Variants in PPFIA1 observed in about 807,000 individuals in gnomAD.
The protein encoded by PPFIA1 is liprin-alpha-1.
Under a neutral mutation model 149.9 loss-of-function variants are expected in PPFIA1, and 25 were observed. That is an observed-to-expected ratio of 0.17 (90% CI 0.12 to 0.23). The LOEUF (loss-of-function observed/expected upper bound fraction) is 0.23. Among genes scored for constraint, PPFIA1 ranks in the 10% least tolerant of loss-of-function variants. The pLI, the probability that PPFIA1 is intolerant of heterozygous loss-of-function variation, is 1.00. For missense variants in PPFIA1, 1,362 were observed against 1,506.5 expected (o/e 0.90, Z 1.59); for synonymous variants, 549 against 552.8 (o/e 0.99, Z 0.10).
intron 2 of PPFIA1, among the ~76,000 whole-genome samples, chr11:70,297,137 G>A (rs371618090): frequency 6.6e-6 from 1 of 152,150 alleles, no homozygotes; most frequent in Non-Finnish European, 1.5e-5. Flanking sequence ...GCCGGGCACG[G>A]TGGCTCACGC....
At chr11:70,285,152 G>GC (rs2051025110) in intron 2 of PPFIA1, among the ~76,000 whole-genome samples, 1 of 151,868 alleles carries the variant, frequency 6.6e-6, no homozygotes, top group Non-Finnish European at 1.5e-5. Context: ...GATTACAGGC[G>GC]CCCGCCACCG....
At chr11:70,315,892 C>T (rs1591180305) in intron 2 of PPFIA1, among the ~76,000 whole-genome samples, 1 of 151,940 alleles carries the variant, frequency 6.6e-6, no homozygotes, top group East Asian at 1.9e-4. Context: ...CCCCACCCAG[C>T]GTTGTCCAGA....
At chr11:70,366,992 G>T (rs1591362945) in intron 21 of PPFIA1, among the ~76,000 whole-genome samples, 2 of 151,878 alleles carry the variant, frequency 1.3e-5, no homozygotes, top group African/African-American at 2.4e-5. Context: ...CCCTTTATAG[G>T]ACCAATAATG....
At chr11:70,308,456 T>C (rs942674119) in intron 2 of PPFIA1, among the ~76,000 whole-genome samples, 3 of 152,238 alleles carry the variant, frequency 2.0e-5, no homozygotes, top group Non-Finnish European at 4.4e-5. Context: ...CTATTAAATA[T>C]TTGAAATTGA....
chr11:70,270,772 G>A lies in PPFIA1; in HGVS notation c.-143G>A, dbSNP rs1565321308. On this transcript the variant is annotated 5_prime_UTR_variant, in exon 1 of 28. Coordinates refer to ENST00000253925, the MANE Select transcript of PPFIA1 (RefSeq NM_003626.5). ...GCGGGCCGGCCTTAGTGACTGGGGCGGCGGGCCCCGGGGCCGCGGCGTGGG... is the reference window on the plus strand; with the variant it reads ...GCGGGCCGGCCTTAGTGACTGGGGCAGCGGGCCCCGGGGCCGCGGCGTGGG... 2 of 149,836 alleles carry A rather than the reference G, an allele frequency of 1.3e-5. No homozygotes were observed. Among genetic ancestry groups the A allele is most frequent in the Non-Finnish European group, 3.0e-5 (2 of 67,222 alleles). 9.3% of individuals were successfully genotyped at this position (149,836 alleles called of 1,614,324 possible).
intron 2 of PPFIA1, among the ~76,000 whole-genome samples, chr11:70,275,654 T>G (rs1264193246): frequency 1.3e-5 from 2 of 152,202 alleles, no homozygotes. Flanking sequence ...CATAATTTCT[T>G]AAAAGACTAT....
At chr11:70,375,375 T>C (rs2057451322) in intron 24 of PPFIA1, 1 of 261,976 alleles carries the variant, frequency 3.8e-6, no homozygotes. Context: ...GAAAGAGAAG[T>C]GTTTTTAGGT....
chr11:70,330,278 C>T lies in PPFIA1; in HGVS notation c.1036C>T (p.Leu346Phe). 6.3e-7 allele frequency: 1 copy of T among 1,581,456 alleles called. No homozygotes were observed. Among genetic ancestry groups the T allele is most frequent in the Non-Finnish European group, 8.6e-7 (1 of 1,168,666 alleles). ...ATSVHDLNDK[L>F]ENEIANKDSM... is the part of the protein sequence containing the mutation. ...ATCTGTGCATGACCTCAATGATAAA[C>T]TTGAAAATGAAATTGCAAATAAAGA... Residue 346 changes from leucine (L) to phenylalanine (F), a missense_variant, in exon 8 of 28, where the codon CTT becomes TTT. By Grantham distance (22) the Leu-to-Phe change is conservative. Transcript: ENST00000253925.
In PPFIA1 at chr11:70,375,105, CCTGT is replaced by C. The variant is rs747596689; in HGVS notation, c.3315+17_3315+20del. 7.5e-6 allele frequency: 12 copies of C among 1,591,346 alleles called. No homozygotes were observed. Among genetic ancestry groups the C allele is most frequent in the South Asian group, 6.8e-5 (6 of 87,974 alleles). On this transcript the variant is annotated intron_variant, in intron 24 of 27. Coordinates refer to ENST00000253925, the MANE Select transcript of PPFIA1 (RefSeq NM_003626.5). ...CGCAGAACACACAGGTGACGCCAAA[CCTGT>C]CTGTGTCTGCACTCATTGTTCAGTT...
intron 2 of PPFIA1, among the ~76,000 whole-genome samples, chr11:70,303,834 C>T (rs530795119): frequency 4.8e-4 from 73 of 152,048 alleles, no homozygotes; most frequent in Admixed American, 1.2e-3. Flanking sequence ...GGTGAAACCC[C>T]GTCTCTACTA....
At chr11:70,285,227 T>G (rs994323462) in intron 2 of PPFIA1, among the ~76,000 whole-genome samples, 1 of 151,644 alleles carries the variant, frequency 6.6e-6, no homozygotes, top group African/African-American at 2.4e-5. Flanking sequence ...CTTGAACTCC[T>G]GACCTCAGGT....
At position 70,329,966 on chromosome 11, in the gene PPFIA1, T is replaced by C. The variant is rs184579260; in HGVS notation, c.931-207T>C. 5.5e-4 allele frequency: 281 copies of C among 508,682 alleles called. 3 individuals carry two copies. Among genetic ancestry groups the C allele is most frequent in the African/African-American group, 5.3e-3 (264 of 49,474 alleles). The allele number at this position is 508,682 out of a possible 1,614,324, so 31.5% of individuals were successfully genotyped here. ...AAATATTTTTGTAGAGACAAGGTCT[T>C]GAACTCCTTGCCTGAAGCCATCCTC... is the stretch of plus-strand genomic sequence containing the variant. On this transcript the variant is annotated intron_variant, in intron 7 of 27. Coordinates refer to ENST00000253925, the MANE Select transcript of PPFIA1 (RefSeq NM_003626.5).
chr11:70,279,142 C>T (rs1163769009), intron 2 of PPFIA1: 4 of 547,030 alleles, frequency 7.3e-6, no homozygotes, highest in South Asian at 1.9e-5. Flanking sequence ...GTGCTATTCA[C>T]AGCGGCAGTC....
intron 2 of PPFIA1, among the ~76,000 whole-genome samples, chr11:70,303,399 A>G (rs1445262629): frequency 1.3e-5 from 2 of 152,218 alleles, no homozygotes; most frequent in East Asian, 3.8e-4. Context: ...AATTACATGT[A>G]AAAGCTGCTT....
intron 2 of PPFIA1, among the ~76,000 whole-genome samples, chr11:70,279,471 G>A (rs1410049814): frequency 6.6e-6 from 1 of 152,056 alleles, no homozygotes; most frequent in Non-Finnish European, 1.5e-5. Flanking sequence ...TGTATTGGTG[G>A]CCTGGTTCCT....
In PPFIA1 at chr11:70,375,012, C is replaced by T. The variant is rs142482070; in HGVS notation, c.3234C>T (p.His1078=). 102 of 1,613,798 alleles carry T rather than the reference C, an allele frequency of 6.3e-5. No individual in the cohort carries two copies. The African/African-American group carries it at 7.6e-4, about 12-fold the overall frequency. ...ACAATCTTATAGAGAGTGGTGTTCA[C>T]GGAGCACTTCTGGCCTTAGATGAAA... The part of the protein sequence containing the change: ...YANNLIESGV[H]GALLALDETF... Residue 1078 remains histidine, a synonymous_variant, in exon 24 of 28, where the codon CAC becomes CAT. Transcript: ENST00000253925.
chr11:70,310,459 C>A (rs1002578202), intron 2 of PPFIA1, among the ~76,000 whole-genome samples: 2 of 149,966 alleles, frequency 1.3e-5, no homozygotes, highest in Non-Finnish European at 2.9e-5. Flanking sequence ...AATCTTGGCT[C>A]ACTGCAACCT....
At chr11:70,324,560 G>T in intron 3 of PPFIA1, 57 bp downstream of exon 3, 1 of 1,420,182 alleles carries the variant, frequency 7.0e-7, no homozygotes, top group Non-Finnish European at 9.8e-7. Flanking sequence ...AGGAGGAGGG[G>T]CGGTGTGTCA....
At chr11:70,307,145 C>A (rs1285445821) in intron 2 of PPFIA1, among the ~76,000 whole-genome samples, 1 of 152,240 alleles carries the variant, frequency 6.6e-6, no homozygotes, top group East Asian at 1.9e-4. Context: ...TATTATGTTG[C>A]TGGCCTACTG....
Sources: gnomAD v4.1 joint callset for allele counts (sites outside exome capture counted in the v4.1 genomes callset) on GRCh38, gnomAD v4.1.1 for gene constraint, MANE v1.5 for transcripts, NCBI Gene and HGNC (gene_info 2026-07-23, HGNC 2026-07-21) for gene names.